SCNN1B: variants seen among roughly 807,000 people sequenced by gnomAD.
SCNN1B encodes epithelial sodium channel subunit beta.
Under a neutral mutation model 65.3 loss-of-function variants are expected in SCNN1B, and 46 were observed. The ratio of observed to expected loss-of-function variants is 0.70; its 90% CI spans 0.56 to 0.90. The LOEUF is 0.90. Among genes scored for constraint, SCNN1B ranks in the 40% least tolerant of loss-of-function variants. SCNN1B has a pLI of 0.00. For synonymous variants in SCNN1B, 349 were observed against 330.6 expected (o/e 1.06, Z -0.60); for missense variants, 751 against 830.5 (o/e 0.90, Z 1.18).
chr16:23,343,639 GAAAGAAAGAAAAAAAGA>G lies in SCNN1B; in HGVS notation c.-8-4950_-8-4934del, dbSNP rs1567304477. On this transcript the variant is annotated intron_variant, in intron 1 of 12. Coordinates refer to ENST00000343070, the MANE Select transcript of SCNN1B (RefSeq NM_000336.3). ...AGAAAGAAAGAAAGAAAGAAAGAAA[GAAAGAAAGAAAAAAAGA>G]AAGGAAGGAAGGAAGAAAAAAAAAA... is the stretch of plus-strand genomic sequence containing the variant. Among the ~76,000 whole-genome samples the G allele has an allele frequency of 5.5e-4, 55 of 99,586 alleles. 1 individual carries two copies. Among genetic ancestry groups the G allele is most frequent in the African/African-American group, 9.5e-4 (24 of 25,372 alleles). The allele number at this position is 99,586 out of a possible 152,430, so 65.3% of individuals were successfully genotyped here. A position where few individuals can be genotyped will look rare whatever the true frequency, so the allele number is the denominator to read the frequency against.
rs767560995 is a variant in SCNN1B, at chr16:23,343,408, C to T, written c.-8-5184C>T. Among the ~76,000 whole-genome samples the T allele has an allele frequency of 3.0e-4, 45 of 149,856 alleles. 1 individual carries two copies. The highest frequency in any genetic ancestry group is 5.0e-4 in the Non-Finnish European group (34 of 67,734). On this transcript the variant is annotated intron_variant, in intron 1 of 12. Coordinates refer to ENST00000343070, the MANE Select transcript of SCNN1B (RefSeq NM_000336.3). ...TGGAGGTTGCAGTGAGCTGAGGTCA[C>T]GCGATCGCACTCCAGCCTGGGCAAC...
chr16:23,318,811 G>A lies in SCNN1B; in HGVS notation c.-9+16374G>A, dbSNP rs190285021. 1.4e-4 allele frequency among the ~76,000 whole-genome samples: 22 copies of A among 152,284 alleles called. No homozygotes were observed. In the East Asian group the frequency reaches 1.7e-3, roughly 12 times the overall value. Reference sequence around the variant, plus strand: ...GGGGCGCAGAGTCACCCATAGGAAGGCAGCTCCCTGAAATCCTGCCAGCAT... The same window carrying A: ...GGGGCGCAGAGTCACCCATAGGAAGACAGCTCCCTGAAATCCTGCCAGCAT... On this transcript the variant is annotated intron_variant, in intron 1 of 12. Transcript: ENST00000343070.
intron 5 of SCNN1B, among the ~76,000 whole-genome samples, chr16:23,370,399 C>T (rs1240433094): frequency 6.6e-6 from 1 of 152,146 alleles, no homozygotes; most frequent in Non-Finnish European, 1.5e-5. Flanking sequence ...AGCCACTGTG[C>T]CCGGCCAAGG....
chr16:23,358,721 A>G (rs1450813004), intron 4 of SCNN1B, among the ~76,000 whole-genome samples: 1 of 152,180 alleles, frequency 6.6e-6, no homozygotes, highest in African/African-American at 2.4e-5. Flanking sequence ...AGCCTGGACA[A>G]CAAGGCAAAA....
At chr16:23,370,192 G>C (rs1962754318) in intron 5 of SCNN1B, among the ~76,000 whole-genome samples, 1 of 152,106 alleles carries the variant, frequency 6.6e-6, no homozygotes, top group Admixed American at 6.5e-5. Context: ...TACAACCTCT[G>C]TCTCCCAGGT....
At chr16:23,285,675 TA>T (rs1472170257) in intron 2 of SCNN1B, among the ~76,000 whole-genome samples, 11 of 151,628 alleles carry the variant, frequency 7.3e-5, no homozygotes, top group African/African-American at 2.7e-4. Flanking sequence ...AAAAAAATAA[TA>T]AAAAATACAA....
At chr16:23,287,004 G>A (rs982719372) in intron 2 of SCNN1B, among the ~76,000 whole-genome samples, 5 of 125,420 alleles carry the variant, frequency 4.0e-5, no homozygotes, top group African/African-American at 1.5e-4. Flanking sequence ...TTGTTGCTGG[G>A]TTGTTTTTTT....
At chr16:23,345,275 G>A (rs530018705) in intron 1 of SCNN1B, among the ~76,000 whole-genome samples, 23 of 152,302 alleles carry the variant, frequency 1.5e-4, no homozygotes, top group Non-Finnish European at 2.6e-4. Flanking sequence ...GCGATCTCCC[G>A]GGAGAAGCCA....
chr16:23,324,245 CG>C (rs1289133286), intron 1 of SCNN1B, among the ~76,000 whole-genome samples: 1 of 150,310 alleles, frequency 6.7e-6, no homozygotes, highest in East Asian at 1.9e-4. Context: ...TGGAGTGCAG[CG>C]GTACAGTCAT....
At chr16:23,363,196 G>C (rs1962586920) in intron 4 of SCNN1B, among the ~76,000 whole-genome samples, 1 of 152,202 alleles carries the variant, frequency 6.6e-6, no homozygotes, top group African/African-American at 2.4e-5. Flanking sequence ...CTCTGTACCA[G>C]ACCCTGGGCA....
chr16:23,355,565 C>A (rs1348443942), intron 4 of SCNN1B, 76 bp downstream of exon 4: 51 of 1,467,264 alleles, frequency 3.5e-5, no homozygotes, highest in Non-Finnish European at 4.6e-5. Context: ...GGGAGCACAG[C>A]CTGCCAGGGT....
At chr16:23,282,306 A>C (rs963574733) in intron 1 of SCNN1B, among the ~76,000 whole-genome samples, 1 of 152,220 alleles carries the variant, frequency 6.6e-6, no homozygotes, top group Admixed American at 6.5e-5. Flanking sequence ...TAGGGTTTTC[A>C]AACATTTATT....
intron 4 of SCNN1B, among the ~76,000 whole-genome samples, chr16:23,360,248 A>AT (rs1567311444): frequency 6.6e-6 from 1 of 151,440 alleles, no homozygotes; most frequent in East Asian, 1.9e-4. Context: ...AAATAAATAA[A>AT]AAGGCTTTTG....
upstream of SCNN1B, among the ~76,000 whole-genome samples, chr16:23,298,377 G>C (rs35517027): frequency 2.6e-5 from 4 of 152,078 alleles, no homozygotes; most frequent in Admixed American, 2.0e-4. Context: ...CTCCTGCAGA[G>C]CAAGGCTACC....
Position 23,341,771 on chromosome 16 carries a change from G to A in SCNN1B, c.-8-6821G>A, listed in dbSNP as rs115865632. Reference sequence around the variant, plus strand: ...CAGGAAAACGCAAATTGAAACCAACGTAAGATATCACTTCACACCCCATTA... The same window carrying A: ...CAGGAAAACGCAAATTGAAACCAACATAAGATATCACTTCACACCCCATTA... On this transcript the variant is annotated intron_variant, in intron 1 of 12. Transcript: ENST00000343070. Among the ~76,000 whole-genome samples, 629 of 152,258 alleles carry A rather than the reference G, an allele frequency of 4.1e-3. 6 individuals are homozygous for A. The highest frequency in any genetic ancestry group is 0.012 in the African/African-American group (513 of 41,554).
At chr16:23,292,339 G>T (rs1192445153) in intron 2 of SCNN1B, among the ~76,000 whole-genome samples, 1 of 147,920 alleles carries the variant, frequency 6.8e-6, no homozygotes, top group Non-Finnish European at 1.5e-5. Context: ...GACTACAGGC[G>T]CCCGCCACCA....
intron 1 of SCNN1B, chr16:23,303,863 G>T: frequency 1.6e-6 from 1 of 608,618 alleles, no homozygotes; most frequent in Non-Finnish European, 3.0e-6. Flanking sequence ...AGGTTGCAGT[G>T]AGCTGAGATG....
chr16:23,320,185 A>G (rs974965917), intron 1 of SCNN1B, among the ~76,000 whole-genome samples: 4 of 152,196 alleles, frequency 2.6e-5, no homozygotes, highest in Admixed American at 2.0e-4. Flanking sequence ...CTGATGCCCT[A>G]CTTGGAAGAG....
At chr16:23,317,252 G>A (rs1961491900) in intron 1 of SCNN1B, among the ~76,000 whole-genome samples, 1 of 152,206 alleles carries the variant, frequency 6.6e-6, no homozygotes, top group Admixed American at 6.5e-5. Flanking sequence ...TAATGCCTGT[G>A]AGGCCCTGGC....
Sources: allele counts gnomAD v4.1 joint callset (sites outside exome capture counted in the v4.1 genomes callset), GRCh38; gene constraint gnomAD v4.1.1; transcripts MANE v1.5; gene names NCBI Gene and HGNC (gene_info 2026-07-23, HGNC 2026-07-21).